The following RTN4RL1 variants were observed in gnomAD, a reference collection of about 807,000 sequenced individuals.
RTN4RL1 encodes the protein reticulon 4 receptor like 1.
In RTN4RL1, 7 loss-of-function variants were observed where a neutral mutation model predicts 25.6. That is an observed-to-expected ratio of 0.27 (90% CI 0.16 to 0.51). The LOEUF (loss-of-function observed/expected upper bound fraction) is 0.51, where lower values mean the gene tolerates loss of function less well. Ranked by LOEUF, RTN4RL1 falls within the 20% of genes least tolerant of loss-of-function variation. RTN4RL1 has a pLI of 0.97. For synonymous variants in RTN4RL1, 297 were observed against 288.2 expected (o/e 1.03, Z -0.31); for missense variants, 500 against 615.6 (o/e 0.81, Z 1.99).
chr17:2,008,779 G>A (rs538627183), intron 1 of RTN4RL1, among the ~76,000 whole-genome samples: 2 of 152,068 alleles, frequency 1.3e-5, no homozygotes, highest in African/African-American at 4.8e-5. Context: ...CAACCTTCCT[G>A]TCAAGCCTCT....
chr17:1,936,538 G>T lies in RTN4RL1; in HGVS notation c.1284C>A (p.Ser428=). Residue 428 remains serine (S), a synonymous_variant, in exon 2 of 2, where the codon TCC becomes TCA. Coordinates refer to ENST00000331238, the MANE Select transcript of RTN4RL1 (RefSeq NM_178568.4). Reference sequence around the variant, plus strand: ...CCAGCCCCAGTGTCCAGGCCAGGAGGGAGGCCCCCAGGGAACTGGCCGAGG... The same window carrying T: ...CCAGCCCCAGTGTCCAGGCCAGGAGTGAGGCCCCCAGGGAACTGGCCGAGG... ...QASSASSLGA[S]LLAWTLGLAV... The T allele has an allele frequency of 6.4e-7, 1 of 1,553,356 alleles. No individual in the cohort carries two copies.
intron 1 of RTN4RL1, among the ~76,000 whole-genome samples, chr17:1,985,635 G>A (rs1183830547): frequency 6.6e-6 from 1 of 152,198 alleles, no homozygotes; most frequent in Non-Finnish European, 1.5e-5. Flanking sequence ...GAATTTACAA[G>A]TAGTTCCATC....
chr17:1,958,275 C>T (rs1454742343), intron 1 of RTN4RL1, among the ~76,000 whole-genome samples: 2 of 152,152 alleles, frequency 1.3e-5, no homozygotes, highest in Non-Finnish European at 2.9e-5. Context: ...CCGTGGCATC[C>T]GACCGTGGGA....
chr17:1,937,842 G>A (rs1915344683), intron 1 of RTN4RL1, 34 bp from the exon 2 acceptor site: 2 of 1,517,108 alleles, frequency 1.3e-6, no homozygotes, highest in Non-Finnish European at 8.9e-7. Context: ...CAGGTCAGGG[G>A]CCGTGCAGGT....
At position 2,013,661 on chromosome 17, in the gene RTN4RL1, C is replaced by CT. The variant is rs1567528205; in HGVS notation, c.13+11191dup. ...ACATAAATACCCCAGCTCTCTCACC[C>CT]TGGAACATAAATACCCCAGCTGTCT... On this transcript the variant is annotated intron_variant, in intron 1 of 1. Transcript: ENST00000331238. Among the ~76,000 whole-genome samples, 284 of 120,862 alleles carry CT rather than the reference C, an allele frequency of 2.3e-3. 4 individuals carry two copies. Among genetic ancestry groups the CT allele is most frequent in the East Asian group, 4.3e-3 (13 of 3,022 alleles). The allele number at this position is 120,862 out of a possible 152,430, so 79.3% of individuals were successfully genotyped here. A position where few individuals can be genotyped will look rare whatever the true frequency, so the allele number is the denominator to read the frequency against.
intron 1 of RTN4RL1, among the ~76,000 whole-genome samples, chr17:1,956,470 G>A (rs1171035708): frequency 1.3e-5 from 2 of 152,136 alleles, no homozygotes; most frequent in African/African-American, 2.4e-5. Context: ...AGAAGCAGTA[G>A]TCTAGGCTGA....
intron 1 of RTN4RL1, among the ~76,000 whole-genome samples, chr17:2,018,422 T>C (rs937038799): frequency 6.6e-6 from 1 of 151,934 alleles, no homozygotes; most frequent in Non-Finnish European, 1.5e-5. Context: ...GGAGAGGACA[T>C]ATGAGACAGC....
At chr17:2,008,698 T>C (rs9906314) in intron 1 of RTN4RL1, among the ~76,000 whole-genome samples, 53,211 of 151,874 alleles carry the variant, frequency 0.35, 9,656 homozygotes, top group East Asian at 0.54. Flanking sequence ...CTAACTGATC[T>C]GCCACCGATC....
At chr17:1,959,225 G>C (rs1915849753) in intron 1 of RTN4RL1, among the ~76,000 whole-genome samples, 1 of 152,196 alleles carries the variant, frequency 6.6e-6, no homozygotes, top group Non-Finnish European at 1.5e-5. Context: ...TCATGCCTCT[G>C]GCCTTTAATA....
chr17:1,939,187 C>T (rs1051201430), intron 1 of RTN4RL1, among the ~76,000 whole-genome samples: 39 of 151,508 alleles, frequency 2.6e-4, no homozygotes, highest in African/African-American at 9.2e-4. Context: ...CCCGTCTCTA[C>T]TAAAAATACA....
At chr17:1,993,008 C>T (rs950075528) in intron 1 of RTN4RL1, among the ~76,000 whole-genome samples, 4 of 152,000 alleles carry the variant, frequency 2.6e-5, no homozygotes, top group South Asian at 2.1e-4. Context: ...TTTGGGAGGC[C>T]GAGGCAGGTG....
intron 1 of RTN4RL1, among the ~76,000 whole-genome samples, chr17:1,963,721 G>C (rs908643821): frequency 6.6e-6 from 1 of 152,068 alleles, no homozygotes; most frequent in Non-Finnish European, 1.5e-5. Context: ...TCTGCCCTTC[G>C]GAGTTTTTTC....
chr17:1,936,838 T>C lies in RTN4RL1; in HGVS notation c.984A>G (p.Glu328=). The C allele has an allele frequency of 6.3e-7, 1 of 1,585,726 alleles. No homozygotes were observed. The highest frequency in any genetic ancestry group is 1.2e-5 in the South Asian group (1 of 86,652). ...LTTTDRAARK[E]HHSPHGPTRS... is the part of the protein sequence containing the mutation. ...TGGTGGGGCCGTGGGGTGAGTGGTG[T>C]TCCTTGCGGGCGGCCCTGTCGGTGG... The change falls in exon 2 of 2, where the codon GAA becomes GAG. Residue 328 remains glutamate, a synonymous_variant. Coordinates refer to ENST00000331238, the MANE Select transcript of RTN4RL1 (RefSeq NM_178568.4).
intron 1 of RTN4RL1, among the ~76,000 whole-genome samples, chr17:1,962,406 G>A (rs1460252306): frequency 6.6e-6 from 1 of 151,936 alleles, no homozygotes; most frequent in African/African-American, 2.4e-5. Context: ...CGCCCAGGCT[G>A]GAATGCAGTG....
At chr17:1,937,911 C>T (rs1044414096) in intron 1 of RTN4RL1, 103 bp from the exon 2 acceptor site, 31 of 942,702 alleles carry the variant, frequency 3.3e-5, no homozygotes, top group Middle Eastern at 3.4e-4. Context: ...CTTGGCTGAG[C>T]TCCGTGAGAG....
intron 1 of RTN4RL1, among the ~76,000 whole-genome samples, chr17:1,971,721 G>T (rs564171251): frequency 2.6e-5 from 4 of 152,160 alleles, no homozygotes; most frequent in East Asian, 3.9e-4. Flanking sequence ...CCAGCACTTT[G>T]GGGGGCAGAG....
At chr17:1,945,984 A>G (rs1334351629) in intron 1 of RTN4RL1, among the ~76,000 whole-genome samples, 2 of 152,178 alleles carry the variant, frequency 1.3e-5, no homozygotes, top group African/African-American at 4.8e-5. Context: ...GGAGACTCAG[A>G]GCCTCCAGGG....
intron 1 of RTN4RL1, among the ~76,000 whole-genome samples, chr17:1,987,322 T>G (rs572404347): frequency 3.3e-5 from 5 of 152,278 alleles, no homozygotes; most frequent in African/African-American, 7.2e-5. Flanking sequence ...TGAGCCAATG[T>G]TATCAGGCCC....
intron 1 of RTN4RL1, among the ~76,000 whole-genome samples, chr17:2,015,350 G>A (rs2067106636): frequency 6.6e-6 from 1 of 152,188 alleles, no homozygotes; most frequent in African/African-American, 2.4e-5. Flanking sequence ...AGGGCACTGG[G>A]GGTCGGTGGG....
Sources: gnomAD v4.1 joint callset for allele counts (sites outside exome capture counted in the v4.1 genomes callset) on GRCh38, gnomAD v4.1.1 for gene constraint, MANE v1.5 for transcripts, NCBI Gene and HGNC (gene_info 2026-07-23, HGNC 2026-07-21) for gene names.